DCLK1: variants seen among roughly 807,000 people sequenced by gnomAD.
DCLK1 encodes the protein doublecortin like kinase 1.
A neutral mutation model predicts 86.2 loss-of-function variants in DCLK1; 16 were observed. The observed-to-expected ratio is 0.19, with a 90% CI of 0.13 to 0.28. DCLK1 has a LOEUF of 0.28. Ranked by LOEUF, DCLK1 falls within the 10% of genes least tolerant of loss-of-function variation. DCLK1 has a pLI of 1.00. For synonymous variants in DCLK1, 369 were observed against 370.5 expected, an observed-to-expected ratio of 1.00 and a Z score of 0.05; for missense variants, 590 against 940.2, an observed-to-expected ratio of 0.63 and a Z score of 4.87.
chr13:36,094,139 C>A (rs1360708397), intron 3 of DCLK1, among the ~76,000 whole-genome samples: 10 of 152,102 alleles, frequency 6.6e-5, no homozygotes, highest in Non-Finnish European at 4.4e-5. Context: ...TTTTAAAAAT[C>A]TGCCTTTTTT....
At chr13:35,775,024 C>T (rs1343501907) in intron 16 of DCLK1, among the ~76,000 whole-genome samples, 1 of 152,158 alleles carries the variant, frequency 6.6e-6, no homozygotes, top group Admixed American at 6.5e-5. Context: ...CCAGAGGACA[C>T]TCCCACCTTC....
intron 16 of DCLK1, among the ~76,000 whole-genome samples, chr13:35,785,970 C>T (rs559416169): frequency 6.6e-6 from 1 of 152,316 alleles, no homozygotes; most frequent in Admixed American, 6.5e-5. Flanking sequence ...TTTAGCTTTA[C>T]ATACTGGGTG....
rs891671287 is a variant in DCLK1, at chr13:35,793,242, T to C, written c.2058+124A>G. 3.4e-5 allele frequency: 21 copies of C among 609,758 alleles called. No individual in the cohort carries two copies. In the Admixed American group the frequency reaches 5.9e-4, roughly 17 times the overall value. 37.8% of individuals were successfully genotyped at this position (609,758 alleles called of 1,614,324 possible). On this transcript the variant is annotated intron_variant, in intron 16 of 16. Transcript: ENST00000360631. ...CCCATACCTCCTCTAGTGCATTAAGTGGCTGAGCTGTCTAAAGAAATGACC... is the reference window on the plus strand; with the variant it reads ...CCCATACCTCCTCTAGTGCATTAAGCGGCTGAGCTGTCTAAAGAAATGACC...
chr13:36,072,433 T>A (rs1375484512), intron 3 of DCLK1, among the ~76,000 whole-genome samples: 4 of 152,220 alleles, frequency 2.6e-5, no homozygotes, highest in African/African-American at 9.6e-5. Flanking sequence ...TGACACGTAT[T>A]TCCTTGGTGA....
intron 15 of DCLK1, 24 bp from the exon 16 acceptor site, chr13:35,793,503 A>G: frequency 6.4e-7 from 1 of 1,554,002 alleles, no homozygotes; most frequent in Non-Finnish European, 8.8e-7. Flanking sequence ...AATAAAGAGA[A>G]GAGAAAAAGA....
chr13:35,938,507 T>C (rs1876899203), intron 4 of DCLK1, among the ~76,000 whole-genome samples: 1 of 151,866 alleles, frequency 6.6e-6, no homozygotes, highest in Non-Finnish European at 1.5e-5. Context: ...CACGTGCCTG[T>C]AGTCCCAGCT....
intron 4 of DCLK1, among the ~76,000 whole-genome samples, chr13:35,875,640 G>A (rs1464270282): frequency 1.3e-5 from 2 of 152,136 alleles, no homozygotes; most frequent in Non-Finnish European, 2.9e-5. Context: ...TGCTTCCAAA[G>A]CTTCCCTTGC....
chr13:36,084,793 G>A (rs893648651), intron 3 of DCLK1, among the ~76,000 whole-genome samples: 2 of 152,122 alleles, frequency 1.3e-5, no homozygotes, highest in Admixed American at 6.5e-5. Flanking sequence ...AATGGCCTTC[G>A]CTACTGGTTA....
rs548808499 is a variant in DCLK1 at position 36,074,840 on chromosome 13, T to C, written c.723+37029A>G. ...CAGACTCGCAGCTCCTTATGCTTTG[T>C]GCAGCCAAGGCTGCTCCTTAGCAAC... On this transcript the variant is annotated intron_variant, in intron 3 of 16. Coordinates refer to ENST00000360631, the MANE Select transcript of DCLK1 (RefSeq NM_001330071.2). 2.6e-3 allele frequency among the ~76,000 whole-genome samples: 390 copies of C among 152,360 alleles called. 1 individual carries two copies. Among genetic ancestry groups the C allele is most frequent in the Non-Finnish European group, 3.7e-3 (249 of 68,038 alleles).
At chr13:35,992,338 C>T (rs1026962415) in intron 3 of DCLK1, among the ~76,000 whole-genome samples, 2 of 152,114 alleles carry the variant, frequency 1.3e-5, no homozygotes, top group Non-Finnish European at 2.9e-5. Flanking sequence ...CCTGACAGTA[C>T]ATCCAGGCTC....
chr13:36,038,992 T>C (rs753159734), intron 3 of DCLK1, among the ~76,000 whole-genome samples: 1 of 152,210 alleles, frequency 6.6e-6, no homozygotes, highest in Non-Finnish European at 1.5e-5. Context: ...CCATGTCCTA[T>C]GACTAAAGAA....
chr13:35,812,348 A>G (rs1055387229), intron 11 of DCLK1, among the ~76,000 whole-genome samples: 18 of 152,176 alleles, frequency 1.2e-4, no homozygotes, highest in African/African-American at 3.6e-4. Flanking sequence ...GGAAGCAGCT[A>G]AGTTTTCCAT....
chr13:36,027,725 TTTTG>T (rs765803385), intron 3 of DCLK1, among the ~76,000 whole-genome samples: 10 of 152,286 alleles, frequency 6.6e-5, no homozygotes, highest in East Asian at 3.9e-4. Flanking sequence ...ATCTATTTTC[TTTTG>T]TTTGTTTGTT....
intron 5 of DCLK1, among the ~76,000 whole-genome samples, chr13:35,858,502 T>C (rs1871206070): frequency 6.6e-6 from 1 of 152,192 alleles, no homozygotes. Context: ...CATTTAGGTC[T>C]TACTCAAAAA....
chr13:35,855,442 C>T, intron 5 of DCLK1: 1 of 1,454,818 alleles, frequency 6.9e-7, no homozygotes, highest in Non-Finnish European at 9.5e-7. Flanking sequence ...AACCAGGAGA[C>T]ACATAGATTC....
At chr13:35,966,651 C>T (rs1053988137) in intron 3 of DCLK1, among the ~76,000 whole-genome samples, 4 of 151,944 alleles carry the variant, frequency 2.6e-5, no homozygotes, top group African/African-American at 4.8e-5. Context: ...ATTGCAGGCG[C>T]GCACCGCCAC....
At chr13:35,880,282 G>A (rs953051407) in intron 4 of DCLK1, among the ~76,000 whole-genome samples, 3 of 152,164 alleles carry the variant, frequency 2.0e-5, no homozygotes, top group African/African-American at 7.2e-5. Flanking sequence ...GAGTCTGGAG[G>A]ATAAAGAATG....
intron 16 of DCLK1, among the ~76,000 whole-genome samples, 160 bp downstream of exon 16, chr13:35,793,206 T>C (rs2086739808): frequency 6.6e-6 from 1 of 152,090 alleles, no homozygotes; most frequent in South Asian, 2.1e-4. Context: ...AAACACATAA[T>C]ATATATAAGT....
chr13:36,122,943 A>AT (rs1886045327), intron 2 of DCLK1, among the ~76,000 whole-genome samples: 1 of 152,212 alleles, frequency 6.6e-6, no homozygotes. Context: ...TAATCCATAG[A>AT]TAAAAACAAA....
Sources: allele counts gnomAD v4.1 joint callset (sites outside exome capture counted in the v4.1 genomes callset), GRCh38; gene constraint gnomAD v4.1.1; transcripts MANE v1.5; gene names NCBI Gene and HGNC (gene_info 2026-07-23, HGNC 2026-07-21).